Variants in FBN2 observed in about 807,000 individuals in gnomAD.
FBN2 encodes the protein fibrillin 2, also known as fibrillin-2.
In FBN2, 105 loss-of-function variants were observed where a neutral mutation model predicts 355.6. The observed-to-expected ratio is 0.30, with a 90% CI of 0.25 to 0.35. The LOEUF (loss-of-function observed/expected upper bound fraction) is 0.35, where lower values mean the gene tolerates loss of function less well. FBN2 is among the 10% of genes least tolerant of loss of function. The pLI, the probability that FBN2 is intolerant of heterozygous loss-of-function variation, is 1.00. For synonymous variants in FBN2, 1,350 were observed against 1,301.2 expected, an observed-to-expected ratio of 1.04 and a Z score of -0.81; for missense variants, 3,280 against 3,758.7, an observed-to-expected ratio of 0.87 and a Z score of 3.33.
chr5:128,528,108 T>C, intron 3 of FBN2, 141 bp from the exon 4 acceptor site: 1 of 675,132 alleles, frequency 1.5e-6, no homozygotes, highest in South Asian at 1.6e-5. Context: ...GACCCAAACA[T>C]ATTTTTATTC....
At chr5:128,318,769 G>T in intron 35 of FBN2, 110 bp downstream of exon 35, 2 of 1,105,126 alleles carry the variant, frequency 1.8e-6, no homozygotes, top group Admixed American at 2.1e-5. Flanking sequence ...TGAAAAATGT[G>T]TAACCTAATG....
At chr5:128,489,181 T>C (rs1279326727) in intron 5 of FBN2, among the ~76,000 whole-genome samples, 2 of 152,176 alleles carry the variant, frequency 1.3e-5, no homozygotes, top group Non-Finnish European at 2.9e-5. Context: ...GACTTTTTAA[T>C]GATTGCCATT....
intron 4 of FBN2, among the ~76,000 whole-genome samples, chr5:128,520,410 A>G (rs1358933338): frequency 6.6e-6 from 1 of 152,204 alleles, no homozygotes; most frequent in African/African-American, 2.4e-5. Flanking sequence ...GTCCTCACAA[A>G]TGAATTAGAG....
intron 36 of FBN2, among the ~76,000 whole-genome samples, chr5:128,317,768 A>G (rs1432876635): frequency 6.6e-6 from 1 of 152,122 alleles, no homozygotes; most frequent in African/African-American, 2.4e-5. Context: ...CTTGCTTCTC[A>G]TCACTTCATT....
intron 15 of FBN2, chr5:128,371,089 A>G (rs114233196): frequency 2.9e-4 from 44 of 151,340 alleles, no homozygotes; most frequent in African/African-American, 1.1e-3. Flanking sequence ...TCCCTCTTCT[A>G]TTTTTTTTTC....
At chr5:128,406,561 T>A (rs1752932662) in intron 8 of FBN2, among the ~76,000 whole-genome samples, 1 of 152,120 alleles carries the variant, frequency 6.6e-6, no homozygotes. Context: ...TGATGAAGTA[T>A]AATAAGGTCA....
chr5:128,476,737 TA>T (rs1755014488), intron 5 of FBN2, among the ~76,000 whole-genome samples: 1 of 152,152 alleles, frequency 6.6e-6, no homozygotes. Flanking sequence ...TTGTACCATA[TA>T]AACAGAGAAT....
chr5:128,369,750 CT>C (rs1279711359), intron 15 of FBN2, among the ~76,000 whole-genome samples: 2 of 152,130 alleles, frequency 1.3e-5, no homozygotes, highest in Non-Finnish European at 2.9e-5. Context: ...GTTAAACTAC[CT>C]TGAGGTGATA....
intron 53 of FBN2, 52 bp downstream of exon 53, chr5:128,288,386 A>G (rs1749218680): frequency 1.3e-6 from 2 of 1,598,320 alleles, no homozygotes. Context: ...GAGACATTAA[A>G]AAACACTTTC....
intron 55 of FBN2, among the ~76,000 whole-genome samples, chr5:128,281,077 T>A (rs1176348059): frequency 6.6e-6 from 1 of 152,202 alleles, no homozygotes; most frequent in East Asian, 1.9e-4. Context: ...TATATTTGCA[T>A]GCACTTTGCT....
chr5:128,523,095 T>A (rs911266716), intron 4 of FBN2, among the ~76,000 whole-genome samples: 5 of 152,156 alleles, frequency 3.3e-5, no homozygotes, highest in Non-Finnish European at 7.4e-5. Flanking sequence ...ACAGGTCAGG[T>A]ATATATTTTT....
rs1472462298 is a variant in FBN2, at chr5:128,257,909, T to C, written c.*1546A>G. 2 of 152,344 alleles carry C rather than the reference T, an allele frequency of 1.3e-5. No homozygotes were observed. Among genetic ancestry groups the C allele is most frequent in the African/African-American group, 2.4e-5 (1 of 41,336 alleles). 9.4% of individuals were successfully genotyped at this position (152,344 alleles called of 1,614,324 possible). On this transcript the variant is annotated 3_prime_UTR_variant, in exon 65 of 65. Transcript: ENST00000262464. ...CTCATAAAATTTTCAGTCAGAAAAA[T>C]ACCCCAAAATAAGCTTTATTGCAAG...
chr5:128,432,288 T>C (rs577446438), intron 7 of FBN2, among the ~76,000 whole-genome samples: 1 of 152,336 alleles, frequency 6.6e-6, no homozygotes, highest in East Asian at 1.9e-4. Flanking sequence ...AAAACCTATT[T>C]GTCCGTGGGC....
chr5:128,311,729 T>C (rs1750063416), intron 38 of FBN2, among the ~76,000 whole-genome samples, 156 bp downstream of exon 38: 1 of 152,184 alleles, frequency 6.6e-6, no homozygotes, highest in Admixed American at 6.5e-5. Flanking sequence ...TACTGCTTGA[T>C]AAAAGTAGTA....
chr5:128,399,655 G>C (rs1752744088), intron 8 of FBN2, among the ~76,000 whole-genome samples: 1 of 152,040 alleles, frequency 6.6e-6, no homozygotes, highest in East Asian at 1.9e-4. Flanking sequence ...CATAGGAATG[G>C]CAATATACTA....
intron 2 of FBN2, among the ~76,000 whole-genome samples, chr5:128,531,545 C>A (rs1195348325): frequency 1.3e-5 from 2 of 151,876 alleles, no homozygotes; most frequent in African/African-American, 4.8e-5. Flanking sequence ...ACCTGTACCC[C>A]AATAACTTAT....
At chr5:128,536,294 C>T (rs750382442) in intron 2 of FBN2, 108 bp downstream of exon 2, 5 of 824,478 alleles carry the variant, frequency 6.1e-6, no homozygotes, top group Non-Finnish European at 1.0e-5. Context: ...GCAATGTGAT[C>T]ACTTGATTTT....
chr5:128,273,696 T>G, intron 61 of FBN2, 144 bp downstream of exon 61: 1 of 813,598 alleles, frequency 1.2e-6, no homozygotes, highest in Non-Finnish European at 2.0e-6. Context: ...ACATAGAAAT[T>G]TATGACCAGG....
At chr5:128,298,334 G>C (rs933882250) in intron 48 of FBN2, among the ~76,000 whole-genome samples, 190 of 152,012 alleles carry the variant, frequency 1.2e-3, no homozygotes, top group Middle Eastern at 0.01. Flanking sequence ...CTCTTCTCGA[G>C]GAGTATCTTT....
Sources: gnomAD v4.1 joint callset for allele counts (sites outside exome capture counted in the v4.1 genomes callset) on GRCh38, gnomAD v4.1.1 for gene constraint, MANE v1.5 for transcripts, NCBI Gene and HGNC (gene_info 2026-07-23, HGNC 2026-07-21) for gene names.